ITGA11: variants seen among roughly 807,000 people sequenced by gnomAD.
ITGA11 encodes the protein integrin subunit alpha 11.
A neutral mutation model predicts 141.9 loss-of-function variants in ITGA11; 97 were observed. That is an observed-to-expected ratio of 0.68 (90% CI 0.58 to 0.81). The LOEUF is 0.81. ITGA11 is among the 30% of genes least tolerant of loss of function. The pLI is 0.00. For missense variants in ITGA11, 1,387 were observed against 1,559.2 expected (o/e 0.89, Z 1.86); for synonymous variants, 658 against 624.6 (o/e 1.05, Z -0.80).
intron 1 of ITGA11, among the ~76,000 whole-genome samples, chr15:68,412,172 A>G (rs1896785427): frequency 6.6e-6 from 1 of 152,156 alleles, no homozygotes; most frequent in Non-Finnish European, 1.5e-5. Context: ...CTCTTAAGTG[A>G]TGGACCATCA....
chr15:68,421,921 C>A (rs553992209), intron 1 of ITGA11, among the ~76,000 whole-genome samples: 25 of 152,314 alleles, frequency 1.6e-4, no homozygotes, highest in Admixed American at 1.1e-3. Context: ...CCTGCTGGTG[C>A]CTTTGCCCCT....
At chr15:68,347,956 A>G (rs1180612314) in intron 10 of ITGA11, among the ~76,000 whole-genome samples, 1 of 152,030 alleles carries the variant, frequency 6.6e-6, no homozygotes, top group South Asian at 2.1e-4. Flanking sequence ...TTGCACACAC[A>G]TGCACCTGGG....
At chr15:68,378,067 C>A (rs773330637) in intron 2 of ITGA11, among the ~76,000 whole-genome samples, 2 of 152,196 alleles carry the variant, frequency 1.3e-5, no homozygotes, top group Non-Finnish European at 2.9e-5. Context: ...GTAGAGAGAG[C>A]TTGGGTGTGC....
At position 68,320,267 on chromosome 15, in the gene ITGA11, T is replaced by G. The variant is rs1401502528; in HGVS notation, c.2534A>C (p.Glu845Ala). The G allele has an allele frequency of 1.2e-6, 2 of 1,613,990 alleles. No homozygotes were observed. Among genetic ancestry groups the G allele is most frequent in the South Asian group, 2.2e-5 (2 of 91,080 alleles). ...GCTGTAGGCGTTCTCGCCCCTGTTC[T>G]CCAGTGTGGCCTCCACCGCCACTCG... ...RQRVAVEATL[E>A]NRGENAYSTV... is the part of the protein sequence containing the mutation. Residue 845 changes from glutamate (E) to alanine (A), a missense_variant, in exon 20 of 30, where the codon GAG (glutamate) becomes GCG (alanine). Physicochemically the swap from Glu to Ala is moderately radical, Grantham distance 107 (BLOSUM62 -1). Coordinates refer to ENST00000315757, the MANE Select transcript of ITGA11 (RefSeq NM_001004439.2).
intron 2 of ITGA11, among the ~76,000 whole-genome samples, chr15:68,395,398 T>C (rs1317305514): frequency 6.6e-6 from 1 of 151,780 alleles, no homozygotes; most frequent in East Asian, 2.0e-4. Flanking sequence ...AGGAGCATGT[T>C]CAAACCCATC....
rs749254095 is a variant in ITGA11 at position 68,324,547 on chromosome 15, C to T, written c.2322+584G>A. Reference sequence around the variant, plus strand: ...CTTGAGTGGGATTTACATGGAGTTGCGGCTGCAGGGAGCATTTGAATGTTA... The same window carrying T: ...CTTGAGTGGGATTTACATGGAGTTGTGGCTGCAGGGAGCATTTGAATGTTA... On this transcript the variant is annotated intron_variant, in intron 18 of 29. Transcript: ENST00000315757. This position sits in a 1 kb window ranked among gnomAD's most constrained non-coding sequence, Gnocchi z 6.3. Among the ~76,000 whole-genome samples the T allele has an allele frequency of 6.6e-6, 1 of 152,086 alleles. No individual in the cohort carries two copies. The highest frequency in any genetic ancestry group is 2.4e-5 in the African/African-American group (1 of 41,412).
rs528301887 is a variant in ITGA11 at position 68,304,934 on chromosome 15, C to T, written c.3382-1049G>A. Among the ~76,000 whole-genome samples, 8 of 152,372 alleles carry T rather than the reference C, an allele frequency of 5.3e-5. No individual in the cohort carries two copies. The East Asian group carries it at 5.8e-4, about 11-fold the overall frequency. On this transcript the variant is annotated intron_variant, in intron 28 of 29. Coordinates refer to ENST00000315757, the MANE Select transcript of ITGA11 (RefSeq NM_001004439.2). This position sits in a 1 kb window ranked among gnomAD's most constrained non-coding sequence, Gnocchi z 6.1. ...CTCACATCTCCTCTGGAGACTACAG[C>T]GCTGCCCGACTGCCTCCCCTCTGCA...
At chr15:68,396,824 T>G (rs1265281929) in intron 2 of ITGA11, among the ~76,000 whole-genome samples, 2 of 141,532 alleles carry the variant, frequency 1.4e-5, no homozygotes, top group Admixed American at 1.5e-4. Flanking sequence ...TAGTATAAAA[T>G]ATAAATATAT....
chr15:68,312,804 C>A lies in ITGA11; in HGVS notation c.2942G>T (p.Gly981Val), dbSNP rs759747816. The A allele has an allele frequency of 2.5e-6, 4 of 1,613,638 alleles. No individual in the cohort carries two copies. In the South Asian group the frequency reaches 4.4e-5, roughly 18 times the overall value. Residue 981 changes from glycine to valine, a missense_variant, in exon 24 of 30, where the codon GGT (glycine) becomes GTT (valine). By Grantham distance (109) the Gly-to-Val change is moderately radical. Transcript: ENST00000315757. ...KPNSSLERYDGIGPPFSCIFR... is the reference protein window; with the variant it reads ...KPNSSLERYDVIGPPFSCIFR... ...GATGCAGCTGAAGGGAGGCCCGATACCATCGTATCTCTCCAGCGAGCTGTT... is the reference window on the plus strand; with the variant it reads ...GATGCAGCTGAAGGGAGGCCCGATAACATCGTATCTCTCCAGCGAGCTGTT...
intron 1 of ITGA11, among the ~76,000 whole-genome samples, chr15:68,430,551 C>T (rs1440901684): frequency 6.6e-6 from 1 of 152,196 alleles, no homozygotes; most frequent in Non-Finnish European, 1.5e-5. Flanking sequence ...GGTTCTGATG[C>T]AGCCACCTAT....
At chr15:68,346,565 C>A (rs919435613) in intron 10 of ITGA11, among the ~76,000 whole-genome samples, 7 of 152,100 alleles carry the variant, frequency 4.6e-5, no homozygotes, top group African/African-American at 1.4e-4. Flanking sequence ...TGAAGATACT[C>A]AAAAAATGGC....
rs372923299 is a variant in ITGA11 at position 68,369,179 on chromosome 15, G to A, written c.265+5C>T. Reference sequence around the variant, plus strand: ...CATTGTGAAGAGACCACCAGCCCACGTTACCCAGGTTGAGTTTGGTGCAGT... The same window carrying A: ...CATTGTGAAGAGACCACCAGCCCACATTACCCAGGTTGAGTTTGGTGCAGT... On this transcript the variant is annotated splice_donor_5th_base_variant and intron_variant, in intron 3 of 29. Transcript: ENST00000315757. 1.6e-5 allele frequency: 25 copies of A among 1,608,982 alleles called. No individual in the cohort carries two copies. The highest frequency in any genetic ancestry group is 1.1e-4 in the African/African-American group (8 of 74,796).
intron 20 of ITGA11, 73 bp from the exon 21 acceptor site, chr15:68,317,436 C>A: frequency 9.7e-7 from 1 of 1,035,494 alleles, no homozygotes; most frequent in Non-Finnish European, 1.5e-6. Context: ...CTCCCTCACC[C>A]CCAGCCTGCA....
intron 2 of ITGA11, among the ~76,000 whole-genome samples, chr15:68,380,969 G>C (rs1353764536): frequency 1.3e-5 from 2 of 152,166 alleles, no homozygotes; most frequent in Admixed American, 1.3e-4. Flanking sequence ...ACCCAGTCAG[G>C]TTGCCCCTAC....
intron 2 of ITGA11, 25 bp downstream of exon 2, chr15:68,402,893 G>A (rs1295118150): frequency 6.6e-7 from 1 of 1,510,376 alleles, no homozygotes; most frequent in Non-Finnish European, 9.2e-7. Context: ...TACAGGGCTG[G>A]GTGTGGGCGG....
intron 2 of ITGA11, among the ~76,000 whole-genome samples, chr15:68,371,935 T>C (rs1895602449): frequency 6.6e-6 from 1 of 152,026 alleles, no homozygotes; most frequent in Non-Finnish European, 1.5e-5. Context: ...CTGGGTCCCA[T>C]CTCCACTCTC....
At position 68,357,199 on chromosome 15, in the gene ITGA11, T is replaced by G; in HGVS notation, c.701A>C (p.Gln234Pro). ...DVVEAASHIE[Q>P]RGGTETRTAF... is the part of the protein sequence containing the mutation. ...CGTCCGGGTCTCTGTTCCTCCTCTC[T>G]GCTCAATGTGGCTGGCAGCTTCCAC... The change falls in exon 7 of 30, where the codon CAG becomes CCG. Residue 234 changes from glutamine (Q) to proline (P), a missense_variant. Physicochemically the swap from Gln to Pro is moderately conservative, Grantham distance 76. Coordinates refer to ENST00000315757, the MANE Select transcript of ITGA11 (RefSeq NM_001004439.2). 6.2e-7 allele frequency: 1 copy of G among 1,614,024 alleles called. No homozygotes were observed. The highest frequency in any genetic ancestry group is 1.3e-5 in the African/African-American group (1 of 75,048).
Position 68,392,673 on chromosome 15 carries a change from C to T in ITGA11, c.164+10245G>A, listed in dbSNP as rs530329722. On this transcript the variant is annotated intron_variant, in intron 2 of 29. Coordinates refer to ENST00000315757, the MANE Select transcript of ITGA11 (RefSeq NM_001004439.2). The stretch of plus-strand genomic sequence containing the variant: ...ATGGGAGCAGAGATTTTAGAGGTTG[C>T]CTCCTATTCTGGGAGGAAGGTGTTG... 3.9e-5 allele frequency among the ~76,000 whole-genome samples: 6 copies of T among 152,218 alleles called. No individual in the cohort carries two copies. In the East Asian group the frequency reaches 1.2e-3, roughly 29 times the overall value.
At chr15:68,389,756 G>C (rs770321754) in intron 2 of ITGA11, among the ~76,000 whole-genome samples, 3 of 152,154 alleles carry the variant, frequency 2.0e-5, no homozygotes, top group African/African-American at 7.2e-5. Context: ...TCATGGAGAG[G>C]AGGAGAAACG....
Sources: allele counts gnomAD v4.1 joint callset (sites outside exome capture counted in the v4.1 genomes callset), GRCh38; gene constraint gnomAD v4.1.1; non-coding constraint Gnocchi (gnomAD v3.1); transcripts MANE v1.5; gene names NCBI Gene and HGNC (gene_info 2026-07-23, HGNC 2026-07-21).